CDH20: variants seen among roughly 807,000 people sequenced by gnomAD.
CDH20 encodes the protein cadherin 20, also known as cadherin-20.
In CDH20, 29 loss-of-function variants were observed where a neutral mutation model predicts 74.2. The ratio of observed to expected loss-of-function variants is 0.39; its 90% CI spans 0.29 to 0.53. The LOEUF (loss-of-function observed/expected upper bound fraction) is 0.53. Among genes scored for constraint, CDH20 ranks in the 20% least tolerant of loss-of-function variants. The pLI is 0.69. For synonymous variants in CDH20, 469 were observed against 405.4 expected, an observed-to-expected ratio of 1.16 and a Z score of -1.88; for missense variants, 988 against 1,048.3, an observed-to-expected ratio of 0.94 and a Z score of 0.79.
chr18:61,351,784 T>A (rs966476679), intron 1 of CDH20, among the ~76,000 whole-genome samples: 3 of 152,166 alleles, frequency 2.0e-5, no homozygotes, highest in Admixed American at 1.3e-4. Flanking sequence ...ACTACCTGTG[T>A]CATGAGATTG....
At chr18:61,416,330 C>T (rs144011644) in intron 1 of CDH20, among the ~76,000 whole-genome samples, 7 of 152,268 alleles carry the variant, frequency 4.6e-5, no homozygotes, top group Non-Finnish European at 8.8e-5. Flanking sequence ...ATATCACTAA[C>T]ATGGGAAAAC....
At chr18:61,521,640 A>G (rs1370185755) in intron 6 of CDH20, among the ~76,000 whole-genome samples, 2 of 151,414 alleles carry the variant, frequency 1.3e-5, no homozygotes, top group African/African-American at 4.9e-5. Flanking sequence ...TTTCAGGCCA[A>G]TATCCCTGAT....
intron 5 of CDH20, among the ~76,000 whole-genome samples, chr18:61,505,427 C>T (rs930462885): frequency 6.9e-4 from 105 of 151,832 alleles, no homozygotes; most frequent in African/African-American, 2.4e-3. Context: ...AGCCTCAACC[C>T]CCAGGCTCAA....
Position 61,347,287 on chromosome 18 carries a change from AATATATATAT to A in CDH20, c.-153+13484_-153+13493del, listed in dbSNP as rs758677743. Among the ~76,000 whole-genome samples, 184 of 86,442 alleles carry A rather than the reference AATATATATAT, an allele frequency of 2.1e-3. 2 individuals are homozygous for A. Among genetic ancestry groups the A allele is most frequent in the African/African-American group, 6.4e-3 (108 of 16,974 alleles). The allele number at this position is 86,442 out of a possible 152,430, so 56.7% of individuals were successfully genotyped here. ...AACATGGTGAAACCTTGTCTCTGCT[AATATATATAT>A]ATATATATATATATATATATATACA... On this transcript the variant is annotated intron_variant, in intron 1 of 11. Coordinates refer to ENST00000262717, the MANE Select transcript of CDH20 (RefSeq NM_031891.4).
chr18:61,492,452 C>T (rs1490484042), intron 2 of CDH20, among the ~76,000 whole-genome samples: 2 of 152,166 alleles, frequency 1.3e-5, no homozygotes, highest in African/African-American at 4.8e-5. Context: ...CATGTCACTC[C>T]TCTACTTACG....
chr18:61,339,837 G>A lies in CDH20; in HGVS notation c.-153+6010G>A, dbSNP rs535274964. Among the ~76,000 whole-genome samples, 222 of 151,854 alleles carry A rather than the reference G, an allele frequency of 1.5e-3. 1 individual carries two copies. Among genetic ancestry groups the A allele is most frequent in the African/African-American group, 4.6e-3 (189 of 41,416 alleles). ...CAAGTAGCTGGGACTACAGGTGCCC[G>A]CCACCATGCCCAGCTAATTTTTTTT... On this transcript the variant is annotated intron_variant, in intron 1 of 11. Transcript: ENST00000262717.
chr18:61,388,325 T>G (rs1911668538), intron 1 of CDH20, among the ~76,000 whole-genome samples: 2 of 152,200 alleles, frequency 1.3e-5, no homozygotes, highest in African/African-American at 4.8e-5. Context: ...GTGACAGCCC[T>G]TATCTGATGT....
chr18:61,475,892 T>C (rs538277761), intron 1 of CDH20, among the ~76,000 whole-genome samples: 21 of 152,076 alleles, frequency 1.4e-4, no homozygotes, highest in Non-Finnish European at 2.6e-4. Context: ...CTTGTTCTGT[T>C]TTTTAAATAG....
intron 1 of CDH20, chr18:61,405,186 G>A: frequency 2.1e-6 from 1 of 477,288 alleles, no homozygotes; most frequent in South Asian, 1.9e-5. Context: ...CGACTTTTTT[G>A]TCTTCTTTGC....
At chr18:61,518,833 G>T (rs1270608801) in intron 6 of CDH20, among the ~76,000 whole-genome samples, 1 of 151,176 alleles carries the variant, frequency 6.6e-6, no homozygotes, top group Non-Finnish European at 1.5e-5. Context: ...CGAGCTAATG[G>T]GGCATGTTCT....
intron 1 of CDH20, among the ~76,000 whole-genome samples, chr18:61,443,672 ATTT>A (rs1202048631): frequency 1.3e-5 from 2 of 152,088 alleles, no homozygotes; most frequent in East Asian, 3.9e-4. Context: ...TTCAGATGAC[ATTT>A]TTTTCCATAG....
intron 1 of CDH20, among the ~76,000 whole-genome samples, chr18:61,404,266 A>G (rs9952347): frequency 0.016 from 2,418 of 152,364 alleles, 60 homozygotes; most frequent in African/African-American, 0.055. Context: ...AGAAAATTCT[A>G]TGATTCCAGA....
chr18:61,540,537 C>G (rs1912994980), intron 9 of CDH20, among the ~76,000 whole-genome samples: 1 of 152,166 alleles, frequency 6.6e-6, no homozygotes, highest in South Asian at 2.1e-4. Context: ...AGGGAAACCC[C>G]TTATAAAACT....
At chr18:61,351,473 G>A (rs1910303592) in intron 1 of CDH20, among the ~76,000 whole-genome samples, 1 of 152,130 alleles carries the variant, frequency 6.6e-6, no homozygotes, top group Non-Finnish European at 1.5e-5. Context: ...TAATAATGCT[G>A]ATCTCAAAAG....
intron 1 of CDH20, among the ~76,000 whole-genome samples, chr18:61,399,025 A>G (rs1489947282): frequency 6.6e-6 from 1 of 152,210 alleles, no homozygotes; most frequent in Non-Finnish European, 1.5e-5. Flanking sequence ...TGGGTAAATG[A>G]GAGTCCCTTC....
intron 1 of CDH20, among the ~76,000 whole-genome samples, chr18:61,385,430 T>C (rs1177631011): frequency 6.6e-6 from 1 of 151,918 alleles, no homozygotes; most frequent in Non-Finnish European, 1.5e-5. Flanking sequence ...CATAAATATA[T>C]GAAAGGAAAT....
Position 61,541,184 on chromosome 18 carries a change from G to A in CDH20, c.1530+2039G>A, listed in dbSNP as rs186543814. On this transcript the variant is annotated intron_variant, in intron 9 of 11. Transcript: ENST00000262717. ...TTATGACTGCAAGTGAACAATGATC[G>A]AGAGGGAAGATGCAAAAATAGTATA... Among the ~76,000 whole-genome samples, 790 of 152,202 alleles carry A rather than the reference G, an allele frequency of 5.2e-3. 3 individuals carry two copies. Among genetic ancestry groups the A allele is most frequent in the Non-Finnish European group, 7.7e-3 (521 of 68,010 alleles).
intron 1 of CDH20, among the ~76,000 whole-genome samples, chr18:61,440,527 T>C (rs768819358): frequency 1.3e-5 from 2 of 152,186 alleles, no homozygotes; most frequent in Non-Finnish European, 2.9e-5. Flanking sequence ...GCAACAGACT[T>C]ATGGCTTAAA....
Position 61,333,457 on chromosome 18 carries a change from G to A in CDH20, c.-523G>A, listed in dbSNP as rs1909633940. On this transcript the variant is annotated 5_prime_UTR_variant, in exon 1 of 12. Coordinates refer to ENST00000262717, the MANE Select transcript of CDH20 (RefSeq NM_031891.4). Reference sequence around the variant, plus strand: ...CCACTCCTGCTAGGGAAGGCGCGAGGGAGGGGAAGCGGACCGCGCGCCACG... The same window carrying A: ...CCACTCCTGCTAGGGAAGGCGCGAGAGAGGGGAAGCGGACCGCGCGCCACG... 6.6e-6 allele frequency: 1 copy of A among 152,452 alleles called. No homozygotes were observed. Among genetic ancestry groups the A allele is most frequent in the African/African-American group, 2.4e-5 (1 of 41,458 alleles). 9.4% of individuals were successfully genotyped at this position (152,452 alleles called of 1,614,324 possible).
Sources: allele counts gnomAD v4.1 joint callset (sites outside exome capture counted in the v4.1 genomes callset), GRCh38; gene constraint gnomAD v4.1.1; transcripts MANE v1.5; gene names NCBI Gene and HGNC (gene_info 2026-07-23, HGNC 2026-07-21).